PCDH10: variants seen among roughly 807,000 people sequenced by gnomAD.
PCDH10 encodes the protein protocadherin-10.
A neutral mutation model predicts 74.4 loss-of-function variants in PCDH10; 15 were observed. That is an observed-to-expected ratio of 0.20 (90% CI 0.13 to 0.31). The LOEUF is 0.31. PCDH10 is among the 10% of genes least tolerant of loss of function. PCDH10 has a pLI of 1.00. For synonymous variants in PCDH10, 619 were observed against 589.8 expected, an observed-to-expected ratio of 1.05 and a Z score of -0.72; for missense variants, 1,260 against 1,390.2, an observed-to-expected ratio of 0.91 and a Z score of 1.49.
At chr4:133,202,039 G>C (rs1224403378) in intron 2 of PCDH10, among the ~76,000 whole-genome samples, 1 of 152,006 alleles carries the variant, frequency 6.6e-6, no homozygotes, top group African/African-American at 2.4e-5. Flanking sequence ...ACCCCCATTA[G>C]CTCCTTGAAG....
intron 4 of PCDH10, among the ~76,000 whole-genome samples, chr4:133,173,267 T>C (rs779543987): frequency 1.3e-5 from 2 of 151,910 alleles, no homozygotes; most frequent in Non-Finnish European, 2.9e-5. Context: ...AGAGGAAAAG[T>C]AAAGAGGTGA....
downstream of PCDH10, among the ~76,000 whole-genome samples, chr4:133,195,061 G>A (rs945773595): frequency 1.3e-5 from 2 of 151,870 alleles, no homozygotes; most frequent in Non-Finnish European, 2.9e-5. Context: ...ATTTAAAGTT[G>A]ATAGAAATGT....
At chr4:133,162,370 G>A (rs1197047623) in intron 3 of PCDH10, among the ~76,000 whole-genome samples, 1 of 152,004 alleles carries the variant, frequency 6.6e-6, no homozygotes, top group African/African-American at 2.4e-5. Context: ...TAGAAACCTC[G>A]GAAAATATGC....
chr4:133,180,163 G>T (rs1044252885), intron 4 of PCDH10, among the ~76,000 whole-genome samples: 7 of 151,854 alleles, frequency 4.6e-5, no homozygotes, highest in Non-Finnish European at 1.0e-4. Context: ...ATCACTCCCT[G>T]CTAATTTCAC....
rs1244400841 is a variant in PCDH10 at position 133,192,513 on chromosome 4, T to C, written c.*2353T>C. 6.6e-6 allele frequency: 1 copy of C among 151,640 alleles called. No homozygotes were observed. The highest frequency in any genetic ancestry group is 1.9e-4 in the East Asian group (1 of 5,192). The allele number at this position is 151,640 out of a possible 1,614,324, so 9.4% of individuals were successfully genotyped here. On this transcript the variant is annotated 3_prime_UTR_variant, in exon 5 of 5. Coordinates refer to ENST00000264360, the MANE Select transcript of PCDH10 (RefSeq NM_032961.3). ...CCTCAAAGACATTTTCTTTAATTAT[T>C]TAACCTTTTATATCATTGTATATAA...
At chr4:133,205,007 C>A (rs1397082199) in intron 2 of PCDH10, among the ~76,000 whole-genome samples, 1 of 152,134 alleles carries the variant, frequency 6.6e-6, no homozygotes, top group Non-Finnish European at 1.5e-5. Flanking sequence ...ATGTGATTAG[C>A]TTATTTGAAC....
intron 4 of PCDH10, among the ~76,000 whole-genome samples, chr4:133,173,841 A>T (rs1359640311): frequency 6.6e-6 from 1 of 151,884 alleles, no homozygotes; most frequent in African/African-American, 2.4e-5. Context: ...AGATGCATAG[A>T]GTATAAATGC....
intron 4 of PCDH10, 63 bp downstream of exon 4, chr4:133,163,345 C>A: frequency 7.1e-7 from 1 of 1,399,272 alleles, no homozygotes. Flanking sequence ...TTCAACATTC[C>A]ACTCTTTTTG....
chr4:133,155,481 G>A (rs1384372272), intron 3 of PCDH10, among the ~76,000 whole-genome samples: 1 of 152,156 alleles, frequency 6.6e-6, no homozygotes, highest in South Asian at 2.1e-4. Context: ...GTTTTCCAGG[G>A]CAATGCATTT....
In PCDH10 at chr4:133,151,460, G is replaced by A. The variant is rs769998441; in HGVS notation, c.1320G>A (p.Glu440=). 2.5e-6 allele frequency: 4 copies of A among 1,613,688 alleles called. No individual in the cohort carries two copies. In the Admixed American group the frequency reaches 5.0e-5, roughly 20 times the overall value. ...CTGTAGTGGCTCGGGACCGGGGCGA[G>A]CCTGCGCTCTCCACCAGTAAGTCGA... ...TLTVVARDRG[E]PALSTSKSIQ... is the part of the protein sequence containing the mutation. The change falls in exon 1 of 5, where the codon GAG becomes GAA. Residue 440 remains glutamate, a synonymous_variant. Coordinates refer to ENST00000264360, the MANE Select transcript of PCDH10 (RefSeq NM_032961.3).
intron 4 of PCDH10, among the ~76,000 whole-genome samples, chr4:133,185,907 T>C (rs1727533638): frequency 6.6e-6 from 1 of 152,144 alleles, no homozygotes; most frequent in African/African-American, 2.4e-5. Context: ...TATTTTAATG[T>C]ATAAAATAAA....
chr4:133,200,521 G>T (rs1229923318), intron 2 of PCDH10, among the ~76,000 whole-genome samples: 1 of 152,070 alleles, frequency 6.6e-6, no homozygotes, highest in African/African-American at 2.4e-5. Flanking sequence ...AAATATTTTT[G>T]AAGAAGTCTT....
intron 1 of PCDH10, chr4:133,154,012 A>C: frequency 3.0e-6 from 1 of 337,072 alleles, no homozygotes. Context: ...AGACAATAGT[A>C]TATGAGCTCT....
chr4:133,150,325 C>G lies in PCDH10; in HGVS notation c.185C>G (p.Pro62Arg). 1.2e-6 allele frequency: 2 copies of G among 1,613,754 alleles called. No individual in the cohort carries two copies. The highest frequency in any genetic ancestry group is 3.3e-4 in the Middle Eastern group (2 of 6,058). ...GFQTVPNSRTPYLDLNLETGV... is the reference protein window; with the variant it reads ...GFQTVPNSRTRYLDLNLETGV... ...CAGACGGTGCCCAACTCAAGGACCC[C>G]TTACTTAGACCTCAACCTGGAGACA... The change falls in exon 1 of 5, where the codon CCT (proline) becomes CGT (arginine). Residue 62 changes from proline to arginine, a missense_variant. This residue lies in a region of PCDH10 where 103 missense variants were observed against 91.5 expected (regional missense o/e 1.13). Transcript: ENST00000264360.
chr4:133,200,794 G>A (rs1387105245), intron 2 of PCDH10, among the ~76,000 whole-genome samples: 1 of 152,036 alleles, frequency 6.6e-6, no homozygotes, highest in Non-Finnish European at 1.5e-5. Context: ...CCTGTGCCAG[G>A]CTATGTTTCC....
rs1468891376 is a variant in PCDH10 at position 133,154,322 on chromosome 4, G to A, written c.2647G>A (p.Ala883Thr). The change falls in exon 2 of 5, where the codon GCA becomes ACA. Residue 883 changes from alanine (A) to threonine (T), a missense_variant. Ala to Thr is a moderately conservative substitution (Grantham distance 58). Around this residue, in one of 11 missense-constraint regions of PCDH10, gnomAD observed 587 missense variants for 616.9 expected, o/e 0.95. Coordinates refer to ENST00000264360, the MANE Select transcript of PCDH10 (RefSeq NM_032961.3). ...TTTTTCCTAGACTAAACACCAGCGAGCAGAGCTCAGCTATCTAGTTGACAG... is the reference window on the plus strand; with the variant it reads ...TTTTTCCTAGACTAAACACCAGCGAACAGAGCTCAGCTATCTAGTTGACAG... ...ILSNETKHQR[A>T]ELSYLVDRPR... The A allele has an allele frequency of 1.2e-6, 2 of 1,607,262 alleles. No individual in the cohort carries two copies. The highest frequency in any genetic ancestry group is 4.5e-5 in the East Asian group (2 of 44,686).
In PCDH10 at chr4:133,189,437, A is replaced by G. The variant is rs376266466; in HGVS notation, c.3104-704A>G. 2.6e-5 allele frequency among the ~76,000 whole-genome samples: 4 copies of G among 152,214 alleles called. 1 individual carries two copies. The East Asian group carries it at 7.7e-4, about 29-fold the overall frequency. On this transcript the variant is annotated intron_variant, in intron 4 of 4. Transcript: ENST00000264360. ...TACTTAAAATTATGAAATCTGGGCAATCAAATCTGGGCATTCTGCTTTGTA... is the reference window on the plus strand; with the variant it reads ...TACTTAAAATTATGAAATCTGGGCAGTCAAATCTGGGCATTCTGCTTTGTA...
chr4:133,201,856 CAA>C (rs11400760), intron 2 of PCDH10, among the ~76,000 whole-genome samples: 15 of 72,360 alleles, frequency 2.1e-4, no homozygotes, highest in African/African-American at 6.0e-4. Flanking sequence ...AACTCCATCT[CAA>C]AAAAAAAAAA....
intron 4 of PCDH10, among the ~76,000 whole-genome samples, chr4:133,170,213 G>A (rs934154183): frequency 2.6e-5 from 4 of 151,912 alleles, no homozygotes; most frequent in East Asian, 1.9e-4. Flanking sequence ...TCTATAACTC[G>A]TACCTTATAT....
Sources: gnomAD v4.1 joint callset for allele counts (sites outside exome capture counted in the v4.1 genomes callset) on GRCh38, gnomAD v4.1.1 for gene constraint, gnomAD v4.1.1 regional missense constraint, MANE v1.5 for transcripts, NCBI Gene and HGNC (gene_info 2026-07-23, HGNC 2026-07-21) for gene names.